NPAS3: variants seen among roughly 807,000 people sequenced by gnomAD.
NPAS3 encodes the protein neuronal PAS domain-containing protein 3.
In NPAS3, 14 loss-of-function variants were observed where a neutral mutation model predicts 73.1. The ratio of observed to expected loss-of-function variants is 0.19; its 90% CI spans 0.13 to 0.30. The LOEUF (loss-of-function observed/expected upper bound fraction) is 0.30, where lower values mean the gene tolerates loss of function less well. Ranked by LOEUF, NPAS3 falls within the 10% of genes least tolerant of loss-of-function variation. The pLI, the probability that NPAS3 is intolerant of heterozygous loss-of-function variation, is 1.00. For missense variants in NPAS3, 1,096 were observed against 1,250.0 expected (o/e 0.88, Z 1.86); for synonymous variants, 620 against 541.5 (o/e 1.14, Z -2.01).
rs142331697 is a variant in NPAS3 at position 33,033,009 on chromosome 14, A to G, written c.51-22896A>G. Among the ~76,000 whole-genome samples the G allele has an allele frequency of 7.9e-5, 12 of 152,306 alleles. No homozygotes were observed. In the East Asian group the frequency reaches 2.1e-3, roughly 27 times the overall value. On this transcript the variant is annotated intron_variant, in intron 1 of 11. Coordinates refer to ENST00000356141, the Ensembl canonical transcript of NPAS3. ...GTCCCCAAACAGTTTCAGCTTGCCT[A>G]TAGTCTCTAGATATCCAAGGCAGAC...
At chr14:33,088,039 C>T (rs961217851) in intron 2 of NPAS3, among the ~76,000 whole-genome samples, 4 of 152,184 alleles carry the variant, frequency 2.6e-5, no homozygotes, top group African/African-American at 9.6e-5. Flanking sequence ...TACCATTTAA[C>T]AATTGCCCAC....
intron 3 of NPAS3, among the ~76,000 whole-genome samples, chr14:33,320,322 G>A (rs2043385179): frequency 6.6e-6 from 1 of 152,102 alleles, no homozygotes; most frequent in Admixed American, 6.6e-5. Context: ...AACTTAGAAT[G>A]TTTTTGATTT....
At chr14:33,435,168 C>T (rs2048937283) in intron 4 of NPAS3, among the ~76,000 whole-genome samples, 1 of 152,146 alleles carries the variant, frequency 6.6e-6, no homozygotes, top group Admixed American at 6.5e-5. Context: ...GTGTGAAATC[C>T]ATCAGTCATA....
At chr14:33,598,706 T>G (rs1226274026) in intron 5 of NPAS3, among the ~76,000 whole-genome samples, 1 of 152,198 alleles carries the variant, frequency 6.6e-6, no homozygotes, top group African/African-American at 2.4e-5. Context: ...TTGTGGCCGA[T>G]GGCTGCATTA....
At chr14:33,599,999 C>T (rs942324299) in intron 5 of NPAS3, among the ~76,000 whole-genome samples, 1 of 152,066 alleles carries the variant, frequency 6.6e-6, no homozygotes, top group Non-Finnish European at 1.5e-5. Flanking sequence ...TAATAAGATC[C>T]GTTACTTTGT....
intron 4 of NPAS3, among the ~76,000 whole-genome samples, chr14:33,372,308 C>T (rs2046124346): frequency 6.6e-6 from 1 of 152,054 alleles, no homozygotes; most frequent in Admixed American, 6.6e-5. Flanking sequence ...TTTTGGTGTG[C>T]CCGTTCTCTG....
At chr14:33,730,941 G>T (rs772146543) in intron 6 of NPAS3, among the ~76,000 whole-genome samples, 3 of 152,178 alleles carry the variant, frequency 2.0e-5, no homozygotes, top group East Asian at 1.9e-4. Flanking sequence ...TGTGGGAAAA[G>T]AATGTGTTTA....
intron 2 of NPAS3, among the ~76,000 whole-genome samples, chr14:33,156,196 C>A (rs1371197991): frequency 6.6e-6 from 1 of 152,148 alleles, no homozygotes; most frequent in South Asian, 2.1e-4. Flanking sequence ...CAAATGAATA[C>A]TCCTTTATTT....
At chr14:33,761,004 T>C (rs976504199) in intron 7 of NPAS3, among the ~76,000 whole-genome samples, 1 of 152,214 alleles carries the variant, frequency 6.6e-6, no homozygotes, top group Non-Finnish European at 1.5e-5. Flanking sequence ...TATTTAGTCA[T>C]CACTGGCTGT....
downstream of NPAS3, chr14:33,801,188 A>G: frequency 6.6e-7 from 1 of 1,513,252 alleles, no homozygotes; most frequent in East Asian, 2.5e-5. Flanking sequence ...CTTTAATTCT[A>G]GCACTTTGAA....
chr14:32,966,074 T>G (rs943654291), intron 1 of NPAS3, among the ~76,000 whole-genome samples: 1 of 152,078 alleles, frequency 6.6e-6, no homozygotes, highest in Non-Finnish European at 1.5e-5. Context: ...TGGAAAGATA[T>G]CTCATGTTAA....
chr14:33,279,356 C>A (rs911766307), intron 3 of NPAS3, among the ~76,000 whole-genome samples: 1 of 152,106 alleles, frequency 6.6e-6, no homozygotes, highest in Admixed American at 6.6e-5. Flanking sequence ...GAACTTATTT[C>A]ATCCTAAAAA....
intron 3 of NPAS3, among the ~76,000 whole-genome samples, chr14:33,314,409 C>T (rs1429111479): frequency 6.6e-6 from 1 of 151,892 alleles, no homozygotes; most frequent in Admixed American, 6.6e-5. Flanking sequence ...AAGTATTTGA[C>T]CTTCAGTTGG....
chr14:33,227,678 A>T (rs1019273985), intron 3 of NPAS3, among the ~76,000 whole-genome samples: 2 of 152,138 alleles, frequency 1.3e-5, no homozygotes, highest in Non-Finnish European at 2.9e-5. Context: ...ATTACCTCCC[A>T]ATGATTCCAC....
intron 1 of NPAS3, among the ~76,000 whole-genome samples, chr14:33,002,400 G>T (rs1428509720): frequency 1.3e-5 from 2 of 152,184 alleles, no homozygotes; most frequent in Admixed American, 6.6e-5. Flanking sequence ...GGGAGCCATT[G>T]ATGGCTTTTG....
chr14:33,628,558 T>C (rs2058286300), intron 5 of NPAS3, among the ~76,000 whole-genome samples: 1 of 152,242 alleles, frequency 6.6e-6, no homozygotes. Flanking sequence ...CTAGTTGCGA[T>C]GCTCCGTCCA....
intron 2 of NPAS3, among the ~76,000 whole-genome samples, chr14:33,189,916 A>G (rs1347221469): frequency 6.6e-6 from 1 of 152,188 alleles, no homozygotes; most frequent in African/African-American, 2.4e-5. Flanking sequence ...TGTTTTGGTC[A>G]TTGTCAAATA....
chr14:33,125,865 TAAAG>T (rs1566587066), intron 2 of NPAS3, among the ~76,000 whole-genome samples: 1 of 152,210 alleles, frequency 6.6e-6, no homozygotes, highest in African/African-American at 2.4e-5. Flanking sequence ...TTACTTTTCA[TAAAG>T]AAAACATGTT....
chr14:33,199,700 CT>C (rs902986769), intron 2 of NPAS3, among the ~76,000 whole-genome samples: 7 of 148,284 alleles, frequency 4.7e-5, no homozygotes, highest in Non-Finnish European at 1.0e-4. Context: ...GCCCCCTGCC[CT>C]TTTCCCCTCC....
Sources: allele counts gnomAD v4.1 joint callset (sites outside exome capture counted in the v4.1 genomes callset), GRCh38; gene constraint gnomAD v4.1.1; transcripts MANE v1.5; gene names NCBI Gene and HGNC (gene_info 2026-07-23, HGNC 2026-07-21).